Variants in WIPF1 observed in about 807,000 individuals in gnomAD.
The protein encoded by WIPF1 is WAS/WASL-interacting protein family member 1.
A neutral mutation model predicts 35.4 loss-of-function variants in WIPF1; 13 were observed. The observed-to-expected ratio is 0.37, with a 90% CI of 0.24 to 0.58. The LOEUF (loss-of-function observed/expected upper bound fraction) is 0.58. WIPF1 is among the 20% of genes least tolerant of loss of function. The probability of loss-of-function intolerance (pLI) is 0.74; values close to 1 mark genes in which losing one functional copy is unlikely to be tolerated. For synonymous variants in WIPF1, 267 were observed against 266.3 expected (o/e 1.00, Z -0.02); for missense variants, 591 against 667.0 (o/e 0.89, Z 1.25).
At chr2:174,664,642 T>TA (rs1687852048) in intron 1 of WIPF1, among the ~76,000 whole-genome samples, 2 of 152,248 alleles carry the variant, frequency 1.3e-5, no homozygotes, top group South Asian at 4.1e-4. Flanking sequence ...TTCTTGTCTC[T>TA]AGGCCAAGAG....
rs2105854871 is a variant in WIPF1 at position 174,590,785 on chromosome 2, T to C, written c.-38-5174A>G. On this transcript the variant is annotated intron_variant, in intron 1 of 7. Coordinates refer to ENST00000679041, the MANE Select transcript of WIPF1 (RefSeq NM_001375834.1). The surrounding 1 kb of genome is among the most constrained non-coding windows in gnomAD (Gnocchi z 4.6). ...AGAAGTCACACTTTTCAGAATTAAT[T>C]TCTTTTTAAGAATAATTTCAATGTT... Among the ~76,000 whole-genome samples the C allele has an allele frequency of 6.6e-6, 1 of 152,354 alleles. No homozygotes were observed. The highest frequency in any genetic ancestry group is 6.5e-5 in the Admixed American group (1 of 15,310).
intron 1 of WIPF1, among the ~76,000 whole-genome samples, chr2:174,636,697 C>G (rs1172471974): frequency 1.3e-5 from 2 of 152,168 alleles, no homozygotes; most frequent in Admixed American, 1.3e-4. Context: ...TTTTGACAAC[C>G]ATAACAGTTT....
At chr2:174,585,730 G>A (rs563353908) in intron 1 of WIPF1, 119 bp from the exon 2 acceptor site, 2 of 727,364 alleles carry the variant, frequency 2.7e-6, no homozygotes, top group East Asian at 2.7e-5. Context: ...GAAGAGATGG[G>A]CTTACCTTTA....
Position 174,594,715 on chromosome 2 carries a change from A to G in WIPF1, c.-39+2886T>C. On this transcript the variant is annotated intron_variant, in intron 1 of 7. Transcript: ENST00000679041. ...TTCTCTCTCTCTCTCTCTCACACAC[A>G]CATACACACACAGCATATATGTCAG... Among the ~76,000 whole-genome samples the G allele has an allele frequency of 1.6e-5, 2 of 127,004 alleles. 1 individual carries two copies. Among genetic ancestry groups the G allele is most frequent in the Non-Finnish European group, 3.6e-5 (2 of 55,982 alleles). The allele number at this position is 127,004 out of a possible 152,430, so 83.3% of individuals were successfully genotyped here. A position where few individuals can be genotyped will look rare whatever the true frequency, so the allele number is the denominator to read the frequency against.
intron 1 of WIPF1, among the ~76,000 whole-genome samples, chr2:174,653,992 A>G (rs968572870): frequency 1.2e-4 from 18 of 152,174 alleles, no homozygotes; most frequent in Non-Finnish European, 2.4e-4. Flanking sequence ...GTAGACCACC[A>G]CAGATTCTCC....
chr2:174,575,800 C>T (rs1685040831), intron 3 of WIPF1, among the ~76,000 whole-genome samples: 1 of 151,806 alleles, frequency 6.6e-6, no homozygotes, highest in Admixed American at 6.6e-5. Flanking sequence ...CAAGACTGTG[C>T]CACTGCACTC....
chr2:174,645,349 A>G (rs1047733283), intron 1 of WIPF1, among the ~76,000 whole-genome samples: 26 of 152,256 alleles, frequency 1.7e-4, no homozygotes, highest in Non-Finnish European at 2.8e-4. Context: ...TGTCATTTCC[A>G]GTACACACCA....
chr2:174,658,901 G>C (rs1687700229), intron 1 of WIPF1, among the ~76,000 whole-genome samples: 1 of 151,928 alleles, frequency 6.6e-6, no homozygotes, highest in South Asian at 2.1e-4. Context: ...CCGCAGACAT[G>C]AATGTGAATT....
intron 1 of WIPF1, among the ~76,000 whole-genome samples, chr2:174,592,605 A>ATTT: frequency 7.6e-6 from 1 of 131,736 alleles, no homozygotes; most frequent in Non-Finnish European, 1.6e-5. Context: ...TTATTTATTG[A>ATTT]TTTTTTTTTT....
rs1330042570 is a variant in WIPF1 at position 174,560,701 on chromosome 2, A to G, written c.*1846T>C. On this transcript the variant is annotated 3_prime_UTR_variant, in exon 8 of 8. Coordinates refer to ENST00000679041, the MANE Select transcript of WIPF1 (RefSeq NM_001375834.1). ...ATGAATGGTAGAGGAGAGAGGAAAC[A>G]CAGGTTCTCTAATGTACTAAATCAG... The G allele has an allele frequency of 6.6e-6, 1 of 152,648 alleles. No individual in the cohort carries two copies. The highest frequency in any genetic ancestry group is 1.9e-4 in the East Asian group (1 of 5,204). The allele number at this position is 152,648 out of a possible 1,614,324, so 9.5% of individuals were successfully genotyped here.
At chr2:174,673,133 A>G (rs1209976936) in intron 1 of WIPF1, 1 of 152,214 alleles carries the variant, frequency 6.6e-6, no homozygotes, top group Non-Finnish European at 1.5e-5. Context: ...AAAGGTGCCA[A>G]CTGGTCCTGA....
rs893205200 is a variant in WIPF1 at position 174,559,967 on chromosome 2, T to G, written c.*2580A>C. On this transcript the variant is annotated 3_prime_UTR_variant, in exon 8 of 8. Transcript: ENST00000679041. ...ATTAAACATTTCTCCTGGCTTTTAC[T>G]AAATAAAATGCATAGTGAAATAAAT... 11 of 152,636 alleles carry G rather than the reference T, an allele frequency of 7.2e-5. No individual in the cohort carries two copies. The highest frequency in any genetic ancestry group is 2.0e-4 in the Admixed American group (3 of 15,274). 9.5% of individuals were successfully genotyped at this position (152,636 alleles called of 1,614,324 possible).
intron 1 of WIPF1, among the ~76,000 whole-genome samples, chr2:174,676,097 C>G (rs1688123609): frequency 6.7e-6 from 1 of 148,828 alleles, no homozygotes; most frequent in African/African-American, 2.5e-5. Flanking sequence ...CAGGCACATA[C>G]AGCCACCATG....
intron 1 of WIPF1, among the ~76,000 whole-genome samples, chr2:174,649,582 C>G (rs1019809194): frequency 3.3e-5 from 5 of 152,136 alleles, no homozygotes; most frequent in Non-Finnish European, 7.4e-5. Context: ...CAAGGAAACC[C>G]CAATAAAAGC....
intron 7 of WIPF1, among the ~76,000 whole-genome samples, chr2:174,565,039 G>A (rs62173701): frequency 0.027 from 4,093 of 151,844 alleles, 86 homozygotes; most frequent in Non-Finnish European, 0.043. Flanking sequence ...GGGATTACAC[G>A]CATGCGCCCC....
intron 1 of WIPF1, among the ~76,000 whole-genome samples, chr2:174,654,205 T>G (rs1304650879): frequency 6.6e-6 from 1 of 152,230 alleles, no homozygotes; most frequent in African/African-American, 2.4e-5. Flanking sequence ...TATTAAAAAT[T>G]GATCATGGAG....
chr2:174,643,413 T>TTG lies in WIPF1; in HGVS notation c.-39+39359_-39+39360dup, dbSNP rs544531582. Among the ~76,000 whole-genome samples, 1,128 of 148,178 alleles carry TTG rather than the reference T, an allele frequency of 7.6e-3. 95 individuals carry two copies. The highest frequency in any genetic ancestry group is 0.022 in the African/African-American group (827 of 38,192). On this transcript the variant is annotated intron_variant, in intron 1 of 8. Coordinates refer to the WIPF1 transcript ENST00000272746. ...TTTTTAAATTTTATTTATATGTATT[T>TTG]TGTGTGTGTGTGTGTGTGAGACAGA... is the stretch of plus-strand genomic sequence containing the variant.
chr2:174,564,026 AC>A (rs1653701688), intron 7 of WIPF1, among the ~76,000 whole-genome samples: 1 of 152,088 alleles, frequency 6.6e-6, no homozygotes, highest in South Asian at 2.1e-4. Context: ...TTGACCATCA[AC>A]TGACCCGCCA....
Position 174,585,602 on chromosome 2 carries a change from G to C in WIPF1, c.-29C>G, listed in dbSNP as rs201978953. 2.5e-5 allele frequency: 40 copies of C among 1,609,568 alleles called. No individual in the cohort carries two copies. Among genetic ancestry groups the C allele is most frequent in the Non-Finnish European group, 3.1e-5 (37 of 1,177,116 alleles). On this transcript the variant is annotated 5_prime_UTR_variant, in exon 2 of 8. Transcript: ENST00000679041. Reference sequence around the variant, plus strand: ...GGGCAGTTATGCGTTCAACAGTCTTGCTGATAAATCTGGAAAAACAAGAAT... The same window carrying C: ...GGGCAGTTATGCGTTCAACAGTCTTCCTGATAAATCTGGAAAAACAAGAAT...
Sources: gnomAD v4.1 joint callset for allele counts (sites outside exome capture counted in the v4.1 genomes callset) on GRCh38, gnomAD v4.1.1 for gene constraint, Gnocchi (gnomAD v3.1) non-coding constraint, MANE v1.5 for transcripts, NCBI Gene and HGNC (gene_info 2026-07-23, HGNC 2026-07-21) for gene names.